Variants in HIKESHI observed in about 807,000 individuals in gnomAD.
HIKESHI encodes protein Hikeshi.
HIKESHI carries 13 observed loss-of-function variants against 25.7 expected under a neutral mutation model. The ratio of observed to expected loss-of-function variants is 0.51; its 90% CI spans 0.33 to 0.80. The LOEUF (loss-of-function observed/expected upper bound fraction) is 0.80, where lower values mean the gene tolerates loss of function less well. Ranked by LOEUF, HIKESHI falls within the 30% of genes least tolerant of loss-of-function variation. The pLI, the probability that HIKESHI is intolerant of heterozygous loss-of-function variation, is 0.02. For missense variants in HIKESHI, 174 were observed against 229.5 expected (o/e 0.76, Z 1.56); for synonymous variants, 76 against 78.7 (o/e 0.97, Z 0.18).
intron 2 of HIKESHI, among the ~76,000 whole-genome samples, chr11:86,320,583 CA>C (rs1236271962): frequency 6.6e-6 from 1 of 152,064 alleles, no homozygotes; most frequent in African/African-American, 2.4e-5. Context: ...TCTCAAAAAG[CA>C]AAGCAAAGAA....
intron 2 of HIKESHI, among the ~76,000 whole-genome samples, chr11:86,322,099 G>C (rs975754217): frequency 2.6e-5 from 4 of 152,030 alleles, no homozygotes; most frequent in African/African-American, 9.7e-5. Flanking sequence ...CAATTCTCCT[G>C]CCTTAGCCTC....
intron 2 of HIKESHI, among the ~76,000 whole-genome samples, chr11:86,335,833 C>T (rs961791035): frequency 2.9e-4 from 44 of 152,116 alleles, no homozygotes; most frequent in African/African-American, 1.0e-3. Flanking sequence ...TGATTTATAG[C>T]GTCGTCACAT....
At chr11:86,307,443 CAAAT>C (rs1565719248) in intron 2 of HIKESHI, among the ~76,000 whole-genome samples, 2 of 132,242 alleles carry the variant, frequency 1.5e-5, no homozygotes, top group East Asian at 2.2e-4. Context: ...CATTATATAT[CAAAT>C]ATATATTATG....
chr11:86,305,619 C>T (rs565269958), intron 1 of HIKESHI, among the ~76,000 whole-genome samples: 1 of 151,942 alleles, frequency 6.6e-6, no homozygotes, highest in Admixed American at 6.6e-5. Context: ...CTCCTGACGT[C>T]GTGTGATCCT....
intron 2 of HIKESHI, among the ~76,000 whole-genome samples, chr11:86,319,860 T>C (rs191429325): frequency 7.2e-4 from 109 of 152,272 alleles, no homozygotes; most frequent in African/African-American, 2.6e-3. Context: ...TATATGGATA[T>C]GTTTTTGTGT....
chr11:86,309,830 C>T (rs1803721747), intron 2 of HIKESHI, among the ~76,000 whole-genome samples: 1 of 152,160 alleles, frequency 6.6e-6, no homozygotes, highest in Non-Finnish European at 1.5e-5. Flanking sequence ...AATAGGGAAT[C>T]CTTTCCCCAT....
At chr11:86,308,203 TATATAAAATATATATTAC>T (rs1565720347) in intron 2 of HIKESHI, among the ~76,000 whole-genome samples, 19 of 44,892 alleles carry the variant, frequency 4.2e-4, no homozygotes, top group Non-Finnish European at 7.2e-4. Flanking sequence ...ATATATATTA[TATATAAAATATATATTAC>T]ATATAAAATA....
intron 2 of HIKESHI, among the ~76,000 whole-genome samples, chr11:86,308,400 CACAT>C (rs1251371189): frequency 7.0e-6 from 1 of 142,704 alleles, no homozygotes; most frequent in African/African-American, 2.6e-5. Flanking sequence ...TATATACACA[CACAT>C]ACACGTGCTA....
chr11:86,342,645 A>G (rs998204652), intron 3 of HIKESHI, among the ~76,000 whole-genome samples: 4 of 151,820 alleles, frequency 2.6e-5, no homozygotes, highest in African/African-American at 9.7e-5. Flanking sequence ...GTTTGTGTGC[A>G]GTATGGTAAG....
chr11:86,345,170 G>A (rs1947839481), intron 4 of HIKESHI: 1 of 1,040,560 alleles, frequency 9.6e-7, no homozygotes, highest in South Asian at 4.1e-5. Flanking sequence ...GTACCATGGT[G>A]TAGCATGGAG....
At position 86,307,003 on chromosome 11, in the gene HIKESHI, GAAA is replaced by G. The variant is rs200914438; in HGVS notation, c.268+529_268+531del. Among the ~76,000 whole-genome samples, 4 of 112,698 alleles carry G rather than the reference GAAA, an allele frequency of 3.5e-5. 2 individuals carry two copies. The highest frequency in any genetic ancestry group is 5.3e-4 in the East Asian group (2 of 3,798). The allele number at this position is 112,698 out of a possible 152,430, so 73.9% of individuals were successfully genotyped here. ...TGACAGAGCGAGACTCTGTCTCAAA[GAAA>G]AAAAAAATATATATATATATATAAA... is the stretch of plus-strand genomic sequence containing the variant. On this transcript the variant is annotated intron_variant, in intron 2 of 4. Coordinates refer to ENST00000278483, the MANE Select transcript of HIKESHI (RefSeq NM_016401.4).
At chr11:86,323,110 C>T (rs1019092555) in intron 2 of HIKESHI, among the ~76,000 whole-genome samples, 1 of 151,958 alleles carries the variant, frequency 6.6e-6, no homozygotes, top group Admixed American at 6.6e-5. Flanking sequence ...TGCCTCTGGT[C>T]CCAGCTATTT....
chr11:86,316,518 A>G (rs1236765939), intron 2 of HIKESHI, among the ~76,000 whole-genome samples: 1 of 152,178 alleles, frequency 6.6e-6, no homozygotes, highest in East Asian at 1.9e-4. Flanking sequence ...TCTTCAAAAA[A>G]TAAAATGAAA....
chr11:86,323,094 G>A (rs1314502152), intron 2 of HIKESHI, among the ~76,000 whole-genome samples: 1 of 152,056 alleles, frequency 6.6e-6, no homozygotes, highest in Non-Finnish European at 1.5e-5. Flanking sequence ...TGATTGTAGT[G>A]GCTCATGCCT....
chr11:86,341,163 A>C (rs1947715898), intron 3 of HIKESHI, among the ~76,000 whole-genome samples: 1 of 152,230 alleles, frequency 6.6e-6, no homozygotes, highest in Non-Finnish European at 1.5e-5. Flanking sequence ...AGACATGATG[A>C]AACTCTCTCA....
chr11:86,302,493 G>T lies in HIKESHI; in HGVS notation c.30+15G>T. 6.4e-7 allele frequency: 1 copy of T among 1,557,190 alleles called. No homozygotes were observed. The highest frequency in any genetic ancestry group is 1.2e-5 in the South Asian group (1 of 84,468). ...CGGGGAGGCTGGTGAGGATGGGACC[G>T]GGTGATATCAGGAAGGGGTCAGGAT... On this transcript the variant is annotated intron_variant, in intron 1 of 4. Transcript: ENST00000278483.
chr11:86,318,303 C>CAAAA (rs71040230), intron 2 of HIKESHI, among the ~76,000 whole-genome samples: 607 of 35,646 alleles, frequency 0.017, 108 homozygotes, highest in South Asian at 0.063. Flanking sequence ...GACTCCGTCT[C>CAAAA]AAAAAAAAAA....
chr11:86,306,516 A>C (rs1341494698), intron 2 of HIKESHI, 34 bp downstream of exon 2: 1 of 1,320,778 alleles, frequency 7.6e-7, no homozygotes, highest in Non-Finnish European at 1.1e-6. Context: ...TTTTATAATT[A>C]ATCAAACTTT....
At chr11:86,334,009 T>C (rs1414029841) in intron 2 of HIKESHI, among the ~76,000 whole-genome samples, 1 of 152,204 alleles carries the variant, frequency 6.6e-6, no homozygotes, top group Non-Finnish European at 1.5e-5. Flanking sequence ...ATCTGACTTA[T>C]GAAATTTATA....
Sources: gnomAD v4.1 joint callset for allele counts (sites outside exome capture counted in the v4.1 genomes callset) on GRCh38, gnomAD v4.1.1 for gene constraint, MANE v1.5 for transcripts, NCBI Gene and HGNC (gene_info 2026-07-23, HGNC 2026-07-21) for gene names.